Variants in UBOX5 observed in about 807,000 individuals in gnomAD.
The protein encoded by UBOX5 is U-box domain containing 5, also known as RING finger protein 37.
A neutral mutation model predicts 39.0 loss-of-function variants in UBOX5; 28 were observed. The ratio of observed to expected loss-of-function variants is 0.72; its 90% CI spans 0.53 to 0.98. The LOEUF is 0.98. Among genes scored for constraint, UBOX5 ranks in the 50% least tolerant of loss-of-function variants. UBOX5 has a pLI of 0.00. For synonymous variants in UBOX5, 283 were observed against 275.5 expected (o/e 1.03, Z -0.27); for missense variants, 585 against 674.4 (o/e 0.87, Z 1.47).
chr20:3,139,673 C>G (rs1479168821), intron 1 of UBOX5, among the ~76,000 whole-genome samples: 3 of 152,180 alleles, frequency 2.0e-5, no homozygotes, highest in Admixed American at 6.5e-5. Context: ...CTTGGCCTCC[C>G]AAAGTGCTAG....
At chr20:3,141,631 AG>A in intron 1 of UBOX5, among the ~76,000 whole-genome samples, 1 of 150,610 alleles carries the variant, frequency 6.6e-6, no homozygotes, top group South Asian at 2.1e-4. Context: ...GGGCAACAAG[AG>A]CGAAACTCCG....
chr20:3,156,629 G>A (rs2066689025), intron 1 of UBOX5: 1 of 152,290 alleles, frequency 6.6e-6, no homozygotes, highest in Admixed American at 6.5e-5. Context: ...AGTTCCAAAA[G>A]GCAATGCCCA....
chr20:3,110,566 G>A lies in UBOX5; in HGVS notation c.1418-252C>T. ...ATGCTTGAGAAGAGCTGGCTTCTGA[G>A]GGCAGCAGGCAGGACTGGGCCCTTC... On this transcript the variant is annotated intron_variant, in intron 4 of 4. Coordinates refer to ENST00000217173, the MANE Select transcript of UBOX5 (RefSeq NM_014948.4). 5.7e-6 allele frequency: 3 copies of A among 521,788 alleles called. No individual in the cohort carries two copies. In the South Asian group the frequency reaches 6.3e-5, roughly 11 times the overall value. 32.3% of individuals were successfully genotyped at this position (521,788 alleles called of 1,614,324 possible).
intron 1 of UBOX5, among the ~76,000 whole-genome samples, chr20:3,133,193 T>C (rs1218259222): frequency 6.6e-6 from 1 of 152,154 alleles, no homozygotes; most frequent in African/African-American, 2.4e-5. Context: ...ATCAAAGTCT[T>C]TAATAGGTAT....
chr20:3,134,579 G>T (rs1273207003), intron 1 of UBOX5, among the ~76,000 whole-genome samples: 2 of 123,310 alleles, frequency 1.6e-5, no homozygotes, highest in African/African-American at 3.2e-5. Flanking sequence ...AAAAAAAAAG[G>T]CCAGGCGTGG....
chr20:3,141,633 C>T lies in UBOX5; in HGVS notation c.-42+18133G>A, dbSNP rs1015712927. ...TGCACTCCGGCCTGGGCAACAAGAGCGAAACTCCGTCTCAAAAAAATAAAT... is the reference window on the plus strand; with the variant it reads ...TGCACTCCGGCCTGGGCAACAAGAGTGAAACTCCGTCTCAAAAAAATAAAT... On this transcript the variant is annotated intron_variant, in intron 1 of 4. Coordinates refer to ENST00000217173, the MANE Select transcript of UBOX5 (RefSeq NM_014948.4). Among the ~76,000 whole-genome samples, 44 of 149,878 alleles carry T rather than the reference C, an allele frequency of 2.9e-4. 1 individual carries two copies. Among genetic ancestry groups the T allele is most frequent in the African/African-American group, 1.1e-3 (43 of 40,724 alleles).
At chr20:3,147,845 C>T (rs373385100) in intron 1 of UBOX5, 12 of 1,614,228 alleles carry the variant, frequency 7.4e-6, no homozygotes, top group Non-Finnish European at 9.3e-6. Context: ...ATTCATTACT[C>T]CTTCATTCAG....
At chr20:3,135,118 G>T (rs1430371208) in intron 1 of UBOX5, among the ~76,000 whole-genome samples, 1 of 152,062 alleles carries the variant, frequency 6.6e-6, no homozygotes, top group Non-Finnish European at 1.5e-5. Flanking sequence ...AATATAAAAT[G>T]CATTTCTTAT....
intron 1 of UBOX5, 34 bp downstream of exon 1, chr20:3,159,732 C>T (rs1001579801): frequency 2.0e-5 from 3 of 152,344 alleles, no homozygotes; most frequent in African/African-American, 4.8e-5. Flanking sequence ...GGAAAGAGGC[C>T]GCCGCGACCT....
Position 3,110,036 on chromosome 20 carries a change from G to A in UBOX5, c.*70C>T. On this transcript the variant is annotated 3_prime_UTR_variant, in exon 5 of 5. Transcript: ENST00000217173. ...TGGGGCCTGGCCAGACCTCAGGGGT[G>A]CTGTGGCCCTGCTCCTGTTCCCCCT... is the stretch of plus-strand genomic sequence containing the variant. The A allele has an allele frequency of 6.3e-7, 1 of 1,578,010 alleles. No individual in the cohort carries two copies. The highest frequency in any genetic ancestry group is 8.6e-7 in the Non-Finnish European group (1 of 1,161,700).
intron 3 of UBOX5, chr20:3,116,729 AT>A (rs762804381): frequency 3.3e-5 from 5 of 152,240 alleles, no homozygotes; most frequent in Non-Finnish European, 7.3e-5. Flanking sequence ...TAGTATTTGC[AT>A]AGTCTTTTAG....
chr20:3,157,111 C>CA (rs1568484978), intron 1 of UBOX5, among the ~76,000 whole-genome samples: 1 of 151,786 alleles, frequency 6.6e-6, no homozygotes, highest in East Asian at 1.9e-4. Context: ...AAAAAAAGGG[C>CA]AAAAAAACCG....
Position 3,115,407 on chromosome 20 carries a change from G to C in UBOX5, c.1315C>G (p.Leu439Val). 6.2e-7 allele frequency: 1 copy of C among 1,614,172 alleles called. No homozygotes were observed. Among genetic ancestry groups the C allele is most frequent in the South Asian group, 1.1e-5 (1 of 91,068 alleles). ...QSLEIALAST[L>V]GSMPSFTARL... is the part of the protein sequence containing the mutation. ...GCCGTGAAGGAGGGCATAGAGCCAA[G>C]GGTGGATGCCAAGGCAATTTCCAAG... is the stretch of plus-strand genomic sequence containing the variant. The change falls in exon 4 of 5, where the codon CTT becomes GTT. Residue 439 changes from leucine (L) to valine (V), a missense_variant. Coordinates refer to ENST00000217173, the MANE Select transcript of UBOX5 (RefSeq NM_014948.4).
At chr20:3,111,068 G>T (rs1029252011) in intron 4 of UBOX5, among the ~76,000 whole-genome samples, 3 of 152,114 alleles carry the variant, frequency 2.0e-5, no homozygotes, top group Non-Finnish European at 4.4e-5. Context: ...CTCTCGGCAG[G>T]CTCTCCCTTC....
intron 1 of UBOX5, chr20:3,148,257 G>A (rs769433514): frequency 6.2e-7 from 1 of 1,612,318 alleles, no homozygotes; most frequent in South Asian, 1.1e-5. Context: ...TCCTTCCAGT[G>A]CAAATTAAGA....
At chr20:3,144,878 T>C (rs553453507) in intron 1 of UBOX5, among the ~76,000 whole-genome samples, 58 of 152,334 alleles carry the variant, frequency 3.8e-4, no homozygotes, top group African/African-American at 1.1e-3. Context: ...TTGGGAACCA[T>C]TGGCCCAACA....
rs757853085 is a variant in UBOX5 at position 3,122,392 on chromosome 20, T to C, written c.247A>G (p.Met83Val). 4 of 1,614,086 alleles carry C rather than the reference T, an allele frequency of 2.5e-6. No homozygotes were observed. The highest frequency in any genetic ancestry group is 1.1e-5 in the South Asian group (1 of 91,096). ...CTGCTAGATGAGGCAGATGTGTACA[T>C]TTCCAGGCCAGTGACGTTCTGACCT... ...GGGQNVTGLE[M>V]YTSASSSRVS... is the part of the protein sequence containing the mutation. Residue 83 changes from methionine (M) to valine (V), a missense_variant, in exon 3 of 5, where the codon ATG becomes GTG. Coordinates refer to ENST00000217173, the MANE Select transcript of UBOX5 (RefSeq NM_014948.4).
chr20:3,155,704 C>T (rs1181724286), intron 1 of UBOX5, among the ~76,000 whole-genome samples: 1 of 152,138 alleles, frequency 6.6e-6, no homozygotes, highest in Non-Finnish European at 1.5e-5. Flanking sequence ...GAGAAAGTAG[C>T]TTAATAGATA....
chr20:3,130,440 A>T (rs1177064813), intron 1 of UBOX5, among the ~76,000 whole-genome samples: 1 of 150,980 alleles, frequency 6.6e-6, no homozygotes, highest in Non-Finnish European at 1.5e-5. Flanking sequence ...CAAATTCGTG[A>T]GCTCAAGCAA....
Sources: gnomAD v4.1 joint callset for allele counts (sites outside exome capture counted in the v4.1 genomes callset) on GRCh38, gnomAD v4.1.1 for gene constraint, MANE v1.5 for transcripts, NCBI Gene and HGNC (gene_info 2026-07-23, HGNC 2026-07-21) for gene names.